Variants in HIPK2 observed in about 807,000 individuals in gnomAD.
The protein encoded by HIPK2 is homeodomain interacting protein kinase 2.
Under a neutral mutation model 113.7 loss-of-function variants are expected in HIPK2, and 27 were observed. The ratio of observed to expected loss-of-function variants is 0.24; its 90% CI spans 0.17 to 0.33. The LOEUF is 0.33. Among genes scored for constraint, HIPK2 ranks in the 10% least tolerant of loss-of-function variants. The pLI is 1.00. For missense variants in HIPK2, 1,257 were observed against 1,588.0 expected (o/e 0.79, Z 3.54); for synonymous variants, 631 against 642.2 (o/e 0.98, Z 0.26).
At chr7:139,601,289 A>T (rs1799416329) in intron 10 of HIPK2, among the ~76,000 whole-genome samples, 1 of 152,100 alleles carries the variant, frequency 6.6e-6, no homozygotes, top group Admixed American at 6.5e-5. Flanking sequence ...AAAAATTTTT[A>T]AATGAAGAAA....
chr7:139,653,672 A>G (rs1216483546), intron 2 of HIPK2, among the ~76,000 whole-genome samples: 3 of 151,930 alleles, frequency 2.0e-5, no homozygotes, highest in Non-Finnish European at 4.4e-5. Flanking sequence ...CCACTTGTAC[A>G]ATGTTTTTTT....
At chr7:139,717,313 T>G (rs1337754686) in intron 1 of HIPK2, among the ~76,000 whole-genome samples, 1 of 152,182 alleles carries the variant, frequency 6.6e-6, no homozygotes, top group Non-Finnish European at 1.5e-5. Context: ...TTTGTAAACA[T>G]TACTTGTGAC....
At chr7:139,676,047 T>C (rs1047971780) in intron 2 of HIPK2, among the ~76,000 whole-genome samples, 1 of 152,238 alleles carries the variant, frequency 6.6e-6, no homozygotes, top group African/African-American at 2.4e-5. Flanking sequence ...ATCGTCACTT[T>C]GCAATGGGGC....
At position 139,751,859 on chromosome 7, in the gene HIPK2, G is replaced by A. The variant is rs913472342; in HGVS notation, c.19+25746C>T. ...TGAGAAACATGTTGAGAAATTCTAT[G>A]TAAGTACCAAATTTATAATCACTAC... On this transcript the variant is annotated intron_variant, in intron 1 of 14. Transcript: ENST00000406875. 5.9e-5 allele frequency among the ~76,000 whole-genome samples: 9 copies of A among 152,096 alleles called. No homozygotes were observed. In the South Asian group the frequency reaches 8.3e-4, roughly 14 times the overall value.
At chr7:139,598,507 G>T (rs1454004557) in intron 11 of HIPK2, among the ~76,000 whole-genome samples, 1 of 152,140 alleles carries the variant, frequency 6.6e-6, no homozygotes, top group Non-Finnish European at 1.5e-5. Context: ...ATCTCCACTT[G>T]GCATTGTTAA....
chr7:139,598,127 T>C (rs932651161), intron 11 of HIPK2, among the ~76,000 whole-genome samples: 12 of 152,314 alleles, frequency 7.9e-5, no homozygotes, highest in Non-Finnish European at 1.5e-4. Context: ...TACGGCATCA[T>C]GTCAATCCTC....
At chr7:139,713,821 T>A (rs1180977595) in intron 2 of HIPK2, among the ~76,000 whole-genome samples, 2 of 152,214 alleles carry the variant, frequency 1.3e-5, no homozygotes, top group African/African-American at 4.8e-5. Flanking sequence ...CAGCACCAGC[T>A]AGCCCCCAAT....
intron 1 of HIPK2, among the ~76,000 whole-genome samples, chr7:139,744,928 G>A (rs1161873415): frequency 6.6e-6 from 1 of 152,232 alleles, no homozygotes; most frequent in African/African-American, 2.4e-5. Context: ...AGTGCTGGAA[G>A]TCACGTTAAG....
chr7:139,593,228 T>C (rs1161712580), intron 12 of HIPK2, among the ~76,000 whole-genome samples: 1 of 152,218 alleles, frequency 6.6e-6, no homozygotes, highest in Non-Finnish European at 1.5e-5. Context: ...TCAATTTGGG[T>C]GAGTCACCTA....
At chr7:139,715,304 C>T (rs1367206731) in intron 2 of HIPK2, among the ~76,000 whole-genome samples, 1 of 152,204 alleles carries the variant, frequency 6.6e-6, no homozygotes, top group East Asian at 1.9e-4. Flanking sequence ...CACCTTACCA[C>T]AGGAGCCACC....
intron 2 of HIPK2, among the ~76,000 whole-genome samples, chr7:139,653,152 A>C (rs1384998258): frequency 2.0e-5 from 3 of 151,604 alleles, no homozygotes; most frequent in Admixed American, 6.6e-5. Context: ...AAAAAAAAAA[A>C]AAAAAAAAAA....
chr7:139,703,320 T>C (rs1304086711), intron 2 of HIPK2, among the ~76,000 whole-genome samples: 5 of 152,140 alleles, frequency 3.3e-5, no homozygotes, highest in African/African-American at 1.2e-4. Flanking sequence ...GGGTGAATGT[T>C]TGACTTTCAC....
At chr7:139,626,565 C>T (rs566511350) in intron 6 of HIPK2, 36 bp downstream of exon 6, 21 of 1,590,168 alleles carry the variant, frequency 1.3e-5, no homozygotes, top group South Asian at 9.0e-5. Context: ...TAAAGTTTGC[C>T]GATCCCTGGT....
chr7:139,715,050 G>A (rs148028413), intron 2 of HIPK2, among the ~76,000 whole-genome samples: 3 of 152,340 alleles, frequency 2.0e-5, no homozygotes, highest in African/African-American at 4.8e-5. Flanking sequence ...CCAGCACTCC[G>A]ATCTCAGCTC....
chr7:139,644,989 A>G (rs1387881520), intron 2 of HIPK2, among the ~76,000 whole-genome samples: 1 of 152,270 alleles, frequency 6.6e-6, no homozygotes, highest in East Asian at 1.9e-4. Flanking sequence ...ACTGATTTAA[A>G]TGCAAAACTT....
At chr7:139,731,254 T>C (rs1795771500) in intron 1 of HIPK2, among the ~76,000 whole-genome samples, 1 of 152,238 alleles carries the variant, frequency 6.6e-6, no homozygotes, top group South Asian at 2.1e-4. Context: ...GGCCTGTGTC[T>C]GTGGCCTCTT....
At chr7:139,651,277 T>C (rs1801448954) in intron 2 of HIPK2, among the ~76,000 whole-genome samples, 1 of 152,170 alleles carries the variant, frequency 6.6e-6, no homozygotes, top group Non-Finnish European at 1.5e-5. Context: ...CAGGCAAGAC[T>C]GAACGGATGG....
intron 2 of HIPK2, among the ~76,000 whole-genome samples, chr7:139,705,083 T>C (rs1794850094): frequency 6.6e-6 from 1 of 152,316 alleles, no homozygotes; most frequent in East Asian, 1.9e-4. Flanking sequence ...GTGAGTCTGA[T>C]ATACGATGCT....
chr7:139,770,003 T>G (rs1241724433), intron 1 of HIPK2, among the ~76,000 whole-genome samples: 1 of 152,202 alleles, frequency 6.6e-6, no homozygotes, highest in Non-Finnish European at 1.5e-5. Context: ...GTGTGCATTC[T>G]CTCTTGGTGC....
Sources: allele counts gnomAD v4.1 joint callset (sites outside exome capture counted in the v4.1 genomes callset), GRCh38; gene constraint gnomAD v4.1.1; transcripts MANE v1.5; gene names NCBI Gene and HGNC (gene_info 2026-07-23, HGNC 2026-07-21).